The following PRKN variants were observed in gnomAD, a reference collection of about 807,000 sequenced individuals.
PRKN encodes the protein parkin RBR E3 ubiquitin protein ligase.
Under a neutral mutation model 59.5 loss-of-function variants are expected in PRKN, and 56 were observed. The ratio of observed to expected loss-of-function variants is 0.94; its 90% CI spans 0.76 to 1.18. The LOEUF is 1.18. Ranked by LOEUF, PRKN falls within the 50% of genes most tolerant of loss-of-function variation. PRKN has a pLI of 0.00. For synonymous variants in PRKN, 250 were observed against 222.1 expected (o/e 1.13, Z -1.12); for missense variants, 657 against 596.4 (o/e 1.10, Z -1.06).
At chr6:162,677,612 G>A (rs1779605294) in intron 1 of PRKN, among the ~76,000 whole-genome samples, 1 of 152,050 alleles carries the variant, frequency 6.6e-6, no homozygotes, top group Non-Finnish European at 1.5e-5. Context: ...CTCTGTCAGA[G>A]GTGAATATAC....
At chr6:161,767,268 C>G (rs1269338660) in intron 7 of PRKN, among the ~76,000 whole-genome samples, 1 of 152,162 alleles carries the variant, frequency 6.6e-6, no homozygotes, top group Middle Eastern at 3.2e-3. Context: ...AATCCCAGCA[C>G]TTTGGGAGGC....
At chr6:162,012,246 A>T (rs557879950) in intron 5 of PRKN, among the ~76,000 whole-genome samples, 2 of 152,120 alleles carry the variant, frequency 1.3e-5, no homozygotes, top group African/African-American at 4.8e-5. Flanking sequence ...TTGTACAAAG[A>T]ACTCTTACAT....
chr6:161,854,364 C>T (rs757086821), intron 6 of PRKN, among the ~76,000 whole-genome samples: 6 of 151,434 alleles, frequency 4.0e-5, no homozygotes, highest in Non-Finnish European at 7.4e-5. Flanking sequence ...ACTGAAAATT[C>T]GAAATGCATA....
intron 7 of PRKN, among the ~76,000 whole-genome samples, chr6:161,589,159 A>C (rs1053071087): frequency 2.6e-5 from 4 of 152,360 alleles, no homozygotes; most frequent in African/African-American, 7.2e-5. Context: ...GCTGAAATAC[A>C]CCAGCAGATC....
At chr6:161,701,803 C>G (rs1786263214) in intron 7 of PRKN, among the ~76,000 whole-genome samples, 1 of 152,096 alleles carries the variant, frequency 6.6e-6, no homozygotes, top group Admixed American at 6.6e-5. Flanking sequence ...TATGTTCATT[C>G]TACGTCTCAA....
chr6:161,719,515 A>T (rs1787131005), intron 7 of PRKN, among the ~76,000 whole-genome samples: 2 of 152,204 alleles, frequency 1.3e-5, no homozygotes, highest in Non-Finnish European at 2.9e-5. Flanking sequence ...GACTAGGGCT[A>T]TCATGTGTGA....
chr6:161,646,948 A>G (rs1355665234), intron 7 of PRKN, among the ~76,000 whole-genome samples: 1 of 152,210 alleles, frequency 6.6e-6, no homozygotes, highest in East Asian at 1.9e-4. Flanking sequence ...TCTGTTTCAA[A>G]TTTATTTTTG....
At chr6:162,333,924 A>T (rs1783709826) in intron 2 of PRKN, among the ~76,000 whole-genome samples, 1 of 152,174 alleles carries the variant, frequency 6.6e-6, no homozygotes, top group Non-Finnish European at 1.5e-5. Context: ...CACAAACGAA[A>T]CGAAAGCAAA....
At chr6:161,586,650 T>C (rs1583263243) in intron 7 of PRKN, among the ~76,000 whole-genome samples, 1 of 152,248 alleles carries the variant, frequency 6.6e-6, no homozygotes, top group Non-Finnish European at 1.5e-5. Context: ...TATCCTTGCA[T>C]TCTTTCTGTT....
At chr6:162,415,046 A>G (rs897913679) in intron 2 of PRKN, among the ~76,000 whole-genome samples, 3 of 152,140 alleles carry the variant, frequency 2.0e-5, no homozygotes, top group Admixed American at 1.3e-4. Flanking sequence ...AAATGCTAGT[A>G]AACAACACCT....
chr6:162,316,556 G>A (rs1002400151), intron 2 of PRKN, among the ~76,000 whole-genome samples: 37 of 151,624 alleles, frequency 2.4e-4, no homozygotes, highest in Admixed American at 2.0e-3. Flanking sequence ...ACATTCCACC[G>A]ACAAACAGCC....
At chr6:162,563,261 G>GAGAGTTATCCTAAGCAAAAGGAACAAAA (rs1554245160) in intron 1 of PRKN, among the ~76,000 whole-genome samples, 4 of 151,330 alleles carry the variant, frequency 2.6e-5, no homozygotes, top group Non-Finnish European at 5.9e-5. Flanking sequence ...CTGAGATCGC[G>GAGAGTTATCCTAAGCAAAAGGAACAAAA]CCACTGCACT....
chr6:161,897,107 GC>G (rs1203029380), intron 6 of PRKN, among the ~76,000 whole-genome samples: 1 of 152,068 alleles, frequency 6.6e-6, no homozygotes, highest in Non-Finnish European at 1.5e-5. Context: ...CTATCCCTTG[GC>G]CTAGATAGCA....
chr6:162,332,887 G>A (rs1415630480), intron 2 of PRKN, among the ~76,000 whole-genome samples: 1 of 151,984 alleles, frequency 6.6e-6, no homozygotes, highest in African/African-American at 2.4e-5. Flanking sequence ...TATGCCAAGG[G>A]GAGGTTTTTT....
Position 161,388,073 on chromosome 6 carries a change from C to T in PRKN, c.1084-1196G>A, listed in dbSNP as rs537197102. Among the ~76,000 whole-genome samples, 2 of 152,312 alleles carry T rather than the reference C, an allele frequency of 1.3e-5. No homozygotes were observed. The highest frequency in any genetic ancestry group is 4.8e-5 in the African/African-American group (2 of 41,570). On this transcript the variant is annotated intron_variant, in intron 9 of 11. Transcript: ENST00000366898. This position sits in a 1 kb window ranked among gnomAD's most constrained non-coding sequence, Gnocchi z 4.3. ...TCCTGAAAGCACGTCCCATTCTCAT[C>T]GCCACCAGCCATGCTCTGAAGTTAC...
At chr6:161,505,390 A>C (rs1345931620) in intron 9 of PRKN, among the ~76,000 whole-genome samples, 96 of 149,612 alleles carry the variant, frequency 6.4e-4, no homozygotes, top group African/African-American at 2.3e-3. Flanking sequence ...TTTTCTTGTA[A>C]ATTTGTTTGA....
At chr6:161,997,731 G>T (rs1455763351) in intron 5 of PRKN, among the ~76,000 whole-genome samples, 1 of 152,172 alleles carries the variant, frequency 6.6e-6, no homozygotes, top group Non-Finnish European at 1.5e-5. Flanking sequence ...GTTAGTGATA[G>T]AAACACCATT....
intron 2 of PRKN, among the ~76,000 whole-genome samples, chr6:162,405,291 C>T (rs895303943): frequency 9.9e-5 from 15 of 152,112 alleles, no homozygotes; most frequent in South Asian, 4.1e-4. Context: ...AACAACTTCC[C>T]GAAAACATGC....
At chr6:162,690,437 A>G (rs1777733177) in intron 1 of PRKN, among the ~76,000 whole-genome samples, 1 of 152,192 alleles carries the variant, frequency 6.6e-6, no homozygotes, top group Admixed American at 6.5e-5. Flanking sequence ...AGCACAGCTC[A>G]TTTACTCCAC....
Sources: allele counts gnomAD v4.1 joint callset (sites outside exome capture counted in the v4.1 genomes callset), GRCh38; gene constraint gnomAD v4.1.1; non-coding constraint Gnocchi (gnomAD v3.1); transcripts MANE v1.5; gene names NCBI Gene and HGNC (gene_info 2026-07-23, HGNC 2026-07-21).